MEGF11: variants seen among roughly 807,000 people sequenced by gnomAD.
MEGF11 encodes multiple epidermal growth factor-like domains protein 11.
Under a neutral mutation model 146.6 loss-of-function variants are expected in MEGF11, and 126 were observed. The observed-to-expected ratio is 0.86, with a 90% CI of 0.74 to 1.00. MEGF11 has a LOEUF of 1.00. Among genes scored for constraint, MEGF11 ranks in the 50% least tolerant of loss-of-function variants. The pLI is 0.00. For missense variants in MEGF11, 1,509 were observed against 1,521.2 expected, an observed-to-expected ratio of 0.99 and a Z score of 0.13; for synonymous variants, 532 against 583.4, an observed-to-expected ratio of 0.91 and a Z score of 1.27.
At chr15:66,230,794 A>G (rs1035788436) in intron 1 of MEGF11, among the ~76,000 whole-genome samples, 1 of 152,240 alleles carries the variant, frequency 6.6e-6, no homozygotes, top group Non-Finnish European at 1.5e-5. Flanking sequence ...AAGAGTTTTT[A>G]AAAACCCACT....
At chr15:66,073,341 G>A (rs2085448730) in intron 5 of MEGF11, among the ~76,000 whole-genome samples, 1 of 152,212 alleles carries the variant, frequency 6.6e-6, no homozygotes, top group Non-Finnish European at 1.5e-5. Context: ...CTGAGAGGCT[G>A]TGCCCTTCCT....
intron 1 of MEGF11, among the ~76,000 whole-genome samples, chr15:66,145,737 T>A (rs1375336327): frequency 3.3e-5 from 5 of 152,182 alleles, no homozygotes; most frequent in Non-Finnish European, 5.9e-5. Context: ...ATGTTGTGGT[T>A]AAGGAAATGT....
intron 1 of MEGF11, among the ~76,000 whole-genome samples, chr15:66,148,150 T>C (rs941638711): frequency 1.3e-5 from 2 of 152,106 alleles, no homozygotes; most frequent in African/African-American, 4.8e-5. Flanking sequence ...GGCTCTTAGT[T>C]ATATGATACA....
chr15:65,912,366 T>C (rs2078840246), intron 20 of MEGF11, 166 bp from the exon 21 acceptor site: 1 of 399,442 alleles, frequency 2.5e-6, no homozygotes, highest in East Asian at 3.6e-5. Context: ...TACTGAAATC[T>C]GGAGAGCCTG....
chr15:66,235,780 T>C (rs1343558833), intron 1 of MEGF11, among the ~76,000 whole-genome samples: 2 of 152,022 alleles, frequency 1.3e-5, no homozygotes, highest in East Asian at 3.9e-4. Flanking sequence ...CACCCCAAAA[T>C]TGCCTGCCAA....
intron 10 of MEGF11, among the ~76,000 whole-genome samples, chr15:65,936,138 G>A (rs1177828240): frequency 6.6e-6 from 1 of 152,156 alleles, no homozygotes; most frequent in Non-Finnish European, 1.5e-5. Context: ...ACATCTGTGT[G>A]TTTCTGTGGG....
At chr15:66,211,299 G>A (rs540806246) in intron 1 of MEGF11, among the ~76,000 whole-genome samples, 18 of 152,300 alleles carry the variant, frequency 1.2e-4, no homozygotes, top group East Asian at 1.9e-4. Flanking sequence ...CAAGGTGGGC[G>A]GATCACGAAG....
In MEGF11 at chr15:65,929,811, G is replaced by A. The variant is rs1430474616; in HGVS notation, c.1481C>T (p.Thr494Ile). ...TWGLNCNESC[T>I]CANGAACSPI... ...GCTGCAGGCTGCCCCATTGGCACAG[G>A]TGCAGCTCTCGTTGCAGTTCAGGCC... Residue 494 changes from threonine to isoleucine, a missense_variant, in exon 12 of 26, where the codon ACC (threonine) becomes ATC (isoleucine). Transcript: ENST00000395614. 1 of 1,580,012 alleles carries A rather than the reference G, an allele frequency of 6.3e-7. No individual in the cohort carries two copies.
chr15:66,170,164 C>G (rs2090208613), intron 1 of MEGF11, among the ~76,000 whole-genome samples: 1 of 152,132 alleles, frequency 6.6e-6, no homozygotes, highest in Non-Finnish European at 1.5e-5. Context: ...GGAGGAAGGC[C>G]TGAGTCAGAA....
chr15:66,047,953 G>GC lies in MEGF11; in HGVS notation c.394+46448_394+46449insG, dbSNP rs1555464907. On this transcript the variant is annotated intron_variant, in intron 5 of 25. Coordinates refer to ENST00000395614, the MANE Select transcript of MEGF11 (RefSeq NM_001385028.1). ...TATCTCCATGGGCCCTGGGAGGAGT[G>GC]TTTTTTTTTTTTCTTTTTTGACAGA... Among the ~76,000 whole-genome samples the GC allele has an allele frequency of 4.8e-5, 7 of 145,630 alleles. No homozygotes were observed. The East Asian group carries it at 8.1e-4, about 17-fold the overall frequency.
At chr15:66,093,252 C>T (rs958553798) in intron 5 of MEGF11, among the ~76,000 whole-genome samples, 5 of 152,218 alleles carry the variant, frequency 3.3e-5, no homozygotes, top group African/African-American at 1.2e-4. Context: ...AGAATGTTCT[C>T]ATGCACTGCA....
Position 66,044,213 on chromosome 15 carries a change from G to A in MEGF11, c.394+50189C>T, listed in dbSNP as rs140339725. ...GCTAGCATCACCCAGACCTGGGTTCGAATCCCATCCATAAATTAGGGAAAA... is the reference window on the plus strand; with the variant it reads ...GCTAGCATCACCCAGACCTGGGTTCAAATCCCATCCATAAATTAGGGAAAA... On this transcript the variant is annotated intron_variant, in intron 5 of 25. Coordinates refer to ENST00000395614, the MANE Select transcript of MEGF11 (RefSeq NM_001385028.1). Among the ~76,000 whole-genome samples the A allele has an allele frequency of 4.3e-4, 65 of 152,246 alleles. 1 individual carries two copies. The highest frequency in any genetic ancestry group is 3.4e-3 in the Middle Eastern group (1 of 294).
chr15:66,077,129 C>G (rs2085623844), intron 5 of MEGF11, among the ~76,000 whole-genome samples: 1 of 152,200 alleles, frequency 6.6e-6, no homozygotes, highest in African/African-American at 2.4e-5. Flanking sequence ...GTGAGAACAC[C>G]ATGCCACCTG....
chr15:65,997,783 T>C (rs1015162493), intron 5 of MEGF11, among the ~76,000 whole-genome samples: 13 of 152,126 alleles, frequency 8.5e-5, no homozygotes, highest in Admixed American at 7.9e-4. Context: ...TATATAATTA[T>C]AAGTTGCAGT....
intron 18 of MEGF11, among the ~76,000 whole-genome samples, chr15:65,915,842 C>T (rs1472128494): frequency 6.6e-6 from 1 of 152,072 alleles, no homozygotes; most frequent in Non-Finnish European, 1.5e-5. Context: ...CTTCCACCTG[C>T]CATGCCCTAA....
chr15:66,215,480 T>C (rs954205374), intron 1 of MEGF11, among the ~76,000 whole-genome samples: 1 of 152,164 alleles, frequency 6.6e-6, no homozygotes, highest in Non-Finnish European at 1.5e-5. Flanking sequence ...CAGAGCTGCA[T>C]AGATCACATC....
At chr15:66,251,796 G>A (rs1358989314) in intron 1 of MEGF11, among the ~76,000 whole-genome samples, 3 of 152,224 alleles carry the variant, frequency 2.0e-5, no homozygotes, top group Non-Finnish European at 4.4e-5. Flanking sequence ...ACCTCAGTTT[G>A]CTGATCTGTG....
At chr15:65,922,584 A>G in intron 14 of MEGF11, 112 bp from the exon 15 acceptor site, 1 of 1,389,300 alleles carries the variant, frequency 7.2e-7, no homozygotes, top group African/African-American at 1.5e-5. Context: ...TCCTTCCCTC[A>G]TCTTGGAGGG....
chr15:66,053,480 A>G (rs559012525), intron 5 of MEGF11, among the ~76,000 whole-genome samples: 1 of 152,032 alleles, frequency 6.6e-6, no homozygotes, highest in African/African-American at 2.4e-5. Context: ...GGTTATCATT[A>G]TTATCATTAT....
Sources: gnomAD v4.1 joint callset for allele counts (sites outside exome capture counted in the v4.1 genomes callset) on GRCh38, gnomAD v4.1.1 for gene constraint, MANE v1.5 for transcripts, NCBI Gene and HGNC (gene_info 2026-07-23, HGNC 2026-07-21) for gene names.